Variants in TBC1D4 observed in about 807,000 individuals in gnomAD.
TBC1D4 encodes TBC (Tre-2, BUB2, CDC16) domain-containing protein.
TBC1D4 carries 121 observed loss-of-function variants against 142.5 expected under a neutral mutation model. That is an observed-to-expected ratio of 0.85 (90% CI 0.73 to 0.99). The LOEUF (loss-of-function observed/expected upper bound fraction) is 0.99. TBC1D4 is among the 50% of genes least tolerant of loss of function. The probability of loss-of-function intolerance (pLI) is 0.00; values close to 1 mark genes in which losing one functional copy is unlikely to be tolerated. For missense variants in TBC1D4, 1,475 were observed against 1,606.6 expected (o/e 0.92, Z 1.40); for synonymous variants, 630 against 628.2 (o/e 1.00, Z -0.04).
intron 1 of TBC1D4, among the ~76,000 whole-genome samples, chr13:75,382,498 T>A: frequency 6.6e-6 from 1 of 152,250 alleles, no homozygotes; most frequent in East Asian, 1.9e-4. Context: ...ATGGTAGCTT[T>A]TAGCCATGGG....
chr13:75,421,243 G>A (rs1886154821), intron 1 of TBC1D4, among the ~76,000 whole-genome samples: 1 of 152,158 alleles, frequency 6.6e-6, no homozygotes, highest in South Asian at 2.1e-4. Context: ...TCCTCACAAA[G>A]CCTTTTTGGA....
At chr13:75,371,524 C>T (rs1356077570) in intron 1 of TBC1D4, among the ~76,000 whole-genome samples, 1 of 152,134 alleles carries the variant, frequency 6.6e-6, no homozygotes, top group Non-Finnish European at 1.5e-5. Flanking sequence ...AGCAAGCTTG[C>T]TCATTAGCTA....
chr13:75,460,992 G>A (rs1161244126), intron 1 of TBC1D4, among the ~76,000 whole-genome samples: 4 of 152,140 alleles, frequency 2.6e-5, no homozygotes, highest in Admixed American at 2.6e-4. Context: ...TTCCTTCAAT[G>A]ACAATAATCT....
At chr13:75,303,398 G>T (rs181209560) in intron 15 of TBC1D4, among the ~76,000 whole-genome samples, 13 of 152,244 alleles carry the variant, frequency 8.5e-5, no homozygotes, top group African/African-American at 2.9e-4. Context: ...GCTTTGAAAA[G>T]AAAATGCTTA....
At chr13:75,383,139 T>C (rs563119691) in intron 1 of TBC1D4, among the ~76,000 whole-genome samples, 6 of 152,234 alleles carry the variant, frequency 3.9e-5, no homozygotes, top group African/African-American at 9.6e-5. Context: ...CTGGCCAACA[T>C]AGTGAAATCC....
At chr13:75,421,695 T>C in intron 1 of TBC1D4, among the ~76,000 whole-genome samples, 1 of 152,240 alleles carries the variant, frequency 6.6e-6, no homozygotes. Flanking sequence ...ATTATGTTTA[T>C]AAGAAAATAA....
intron 20 of TBC1D4, among the ~76,000 whole-genome samples, chr13:75,287,883 G>A (rs1247352262): frequency 6.6e-6 from 1 of 152,024 alleles, no homozygotes; most frequent in Non-Finnish European, 1.5e-5. Context: ...GAGAGGAGGA[G>A]TAAGTGGAAA....
intron 1 of TBC1D4, among the ~76,000 whole-genome samples, chr13:75,420,989 C>T (rs979265921): frequency 2.0e-5 from 3 of 152,220 alleles, no homozygotes; most frequent in Non-Finnish European, 4.4e-5. Flanking sequence ...GAGCCCAACA[C>T]TGGAAAGTCA....
intron 5 of TBC1D4, among the ~76,000 whole-genome samples, chr13:75,348,914 T>TGA (rs901204219): frequency 2.0e-5 from 3 of 146,808 alleles, no homozygotes; most frequent in Non-Finnish European, 4.5e-5. Flanking sequence ...CCTTCAGAAA[T>TGA]GAGAGAGAGA....
At chr13:75,295,104 T>A in intron 17 of TBC1D4, 91 bp from the exon 18 acceptor site, 5 of 1,225,710 alleles carry the variant, frequency 4.1e-6, no homozygotes, top group Non-Finnish European at 5.8e-6. Flanking sequence ...TAATATTTAA[T>A]AACAAATTCA....
At chr13:75,441,822 C>T (rs995498775) in intron 1 of TBC1D4, among the ~76,000 whole-genome samples, 8 of 152,104 alleles carry the variant, frequency 5.3e-5, no homozygotes, top group African/African-American at 1.4e-4. Flanking sequence ...ACCCCAACTC[C>T]GAATTACAGC....
intron 1 of TBC1D4, among the ~76,000 whole-genome samples, chr13:75,436,215 AG>A (rs1356346087): frequency 6.6e-6 from 1 of 152,134 alleles, no homozygotes; most frequent in Non-Finnish European, 1.5e-5. Context: ...CATGATTATG[AG>A]GCCTCCCCAG....
At chr13:75,363,862 C>G (rs1186690949) in intron 1 of TBC1D4, among the ~76,000 whole-genome samples, 1 of 152,122 alleles carries the variant, frequency 6.6e-6, no homozygotes, top group Admixed American at 6.5e-5. Context: ...TTCTATAAAC[C>G]AAAAAGTATC....
At chr13:75,304,872 T>C (rs1276557736) in intron 15 of TBC1D4, among the ~76,000 whole-genome samples, 4 of 152,024 alleles carry the variant, frequency 2.6e-5, no homozygotes, top group Admixed American at 6.6e-5. Flanking sequence ...GTGCTCAAAG[T>C]AAAATAGAGC....
At chr13:75,421,333 C>A (rs565091007) in intron 1 of TBC1D4, among the ~76,000 whole-genome samples, 1 of 152,148 alleles carries the variant, frequency 6.6e-6, no homozygotes, top group African/African-American at 2.4e-5. Flanking sequence ...CATTTACAAT[C>A]CCCCTAACTC....
chr13:75,399,530 C>A (rs1441566327), intron 1 of TBC1D4, among the ~76,000 whole-genome samples: 1 of 148,702 alleles, frequency 6.7e-6, no homozygotes, highest in East Asian at 2.0e-4. Context: ...CACACCCAAC[C>A]CACCTTATCT....
intron 1 of TBC1D4, among the ~76,000 whole-genome samples, chr13:75,423,347 T>G (rs1275752465): frequency 6.6e-6 from 1 of 152,136 alleles, no homozygotes; most frequent in Non-Finnish European, 1.5e-5. Flanking sequence ...GAAAGCAGTA[T>G]GATAATGTGT....
chr13:75,362,681 T>C lies in TBC1D4; in HGVS notation c.499-74A>G. On this transcript the variant is annotated intron_variant, in intron 1 of 20. Coordinates refer to ENST00000377636, the MANE Select transcript of TBC1D4 (RefSeq NM_014832.5). The surrounding 1 kb of genome is among the most constrained non-coding windows in gnomAD (Gnocchi z 4.2). ...ATTTACATTTACCTAGCCCAATTAT[T>C]ACCACATGGAATGTATTTTCATCCT... is the stretch of plus-strand genomic sequence containing the variant. 6.8e-7 allele frequency: 1 copy of C among 1,479,426 alleles called. No individual in the cohort carries two copies. The highest frequency in any genetic ancestry group is 1.1e-5 in the South Asian group (1 of 87,616). The allele number at this position is 1,479,426 out of a possible 1,614,324, so 91.6% of individuals were successfully genotyped here.
At chr13:75,400,284 T>A (rs1253186488) in intron 1 of TBC1D4, among the ~76,000 whole-genome samples, 1 of 152,098 alleles carries the variant, frequency 6.6e-6, no homozygotes, top group African/African-American at 2.4e-5. Flanking sequence ...CAGCCGCACT[T>A]TTTTTCCACT....
Sources: allele counts gnomAD v4.1 joint callset (sites outside exome capture counted in the v4.1 genomes callset), GRCh38; gene constraint gnomAD v4.1.1; non-coding constraint Gnocchi (gnomAD v3.1); transcripts MANE v1.5; gene names NCBI Gene and HGNC (gene_info 2026-07-23, HGNC 2026-07-21).